The following SIL1 variants were observed in gnomAD, a reference collection of about 807,000 sequenced individuals.
SIL1 encodes the protein SIL1 nucleotide exchange factor, also known as nucleotide exchange factor SIL1.
A neutral mutation model predicts 49.1 loss-of-function variants in SIL1; 40 were observed. The ratio of observed to expected loss-of-function variants is 0.81; its 90% CI spans 0.63 to 1.06. The LOEUF is 1.06. Ranked by LOEUF, SIL1 falls within the 50% of genes least tolerant of loss-of-function variation. The probability of loss-of-function intolerance (pLI) is 0.00; values close to 1 mark genes in which losing one functional copy is unlikely to be tolerated. For missense variants in SIL1, 500 were observed against 572.6 expected, an observed-to-expected ratio of 0.87 and a Z score of 1.29; for synonymous variants, 253 against 250.8, an observed-to-expected ratio of 1.01 and a Z score of -0.08.
chr5:139,000,940 C>T (rs868656498), intron 7 of SIL1, among the ~76,000 whole-genome samples: 2 of 151,514 alleles, frequency 1.3e-5, no homozygotes, highest in South Asian at 2.1e-4. Flanking sequence ...AAACAAAAGA[C>T]TCTATGGGAA....
In SIL1 at chr5:139,122,192, C is replaced by T. The variant is rs527692429; in HGVS notation, c.106-1019G>A. Among the ~76,000 whole-genome samples, 14 of 152,232 alleles carry T rather than the reference C, an allele frequency of 9.2e-5. 1 individual carries two copies. In the East Asian group the frequency reaches 2.1e-3, roughly 23 times the overall value. ...TGGAATCTTCCTATGAGCCCAGACC[C>T]GTGCTGGGTACTTTACATAGATCTC... On this transcript the variant is annotated intron_variant, in intron 2 of 9. Coordinates refer to ENST00000394817, the MANE Select transcript of SIL1 (RefSeq NM_022464.5).
intron 1 of SIL1, among the ~76,000 whole-genome samples, chr5:139,160,313 G>A (rs1356061897): frequency 6.6e-6 from 1 of 152,034 alleles, no homozygotes; most frequent in Admixed American, 6.6e-5. Context: ...AACAACACAG[G>A]GGCCAGGAAA....
rs937530096 is a variant in SIL1, at chr5:138,947,582, G to C, written c.1030-109C>G. 2 of 927,016 alleles carry C rather than the reference G, an allele frequency of 2.2e-6. No homozygotes were observed. The highest frequency in any genetic ancestry group is 1.6e-5 in the African/African-American group (1 of 62,038). The allele number at this position is 927,016 out of a possible 1,614,324, so 57.4% of individuals were successfully genotyped here. A position where few individuals can be genotyped will look rare whatever the true frequency, so the allele number is the denominator to read the frequency against. ...CTCTGCCCTTCAGACAGGAAGGCAC[G>C]AGGCTGACCCCTGAGGGCCCACCTC... On this transcript the variant is annotated intron_variant, in intron 9 of 9. Transcript: ENST00000394817. This position sits in a 1 kb window ranked among gnomAD's most constrained non-coding sequence, Gnocchi z 4.1.
chr5:139,153,411 A>G (rs1751347060), intron 1 of SIL1, among the ~76,000 whole-genome samples: 1 of 152,196 alleles, frequency 6.6e-6, no homozygotes, highest in African/African-American at 2.4e-5. Flanking sequence ...GACCTTAACC[A>G]TTGCAAGGAC....
chr5:139,192,568 G>C (rs1372541773), intron 1 of SIL1, among the ~76,000 whole-genome samples: 1 of 152,196 alleles, frequency 6.6e-6, no homozygotes, highest in Non-Finnish European at 1.5e-5. Flanking sequence ...CAAAGGTTCC[G>C]ATGTCCAGTC....
At chr5:139,194,348 G>A (rs192500991) in intron 1 of SIL1, among the ~76,000 whole-genome samples, 1 of 152,324 alleles carries the variant, frequency 6.6e-6, no homozygotes, top group Non-Finnish European at 1.5e-5. Context: ...GCTTATGCTA[G>A]GAATCAGGGG....
intron 3 of SIL1, among the ~76,000 whole-genome samples, chr5:139,070,332 A>T (rs868576323): frequency 6.6e-6 from 1 of 152,166 alleles, no homozygotes; most frequent in Non-Finnish European, 1.5e-5. Flanking sequence ...GGCAGATGTA[A>T]TATCGAAGAG....
intron 2 of SIL1, among the ~76,000 whole-genome samples, chr5:139,125,662 A>C (rs941326482): frequency 1.3e-5 from 2 of 152,210 alleles, no homozygotes; most frequent in Non-Finnish European, 2.9e-5. Flanking sequence ...CTAAAACCTT[A>C]AGAGGGAGGT....
At chr5:139,054,878 G>A (rs1769372855) in intron 3 of SIL1, among the ~76,000 whole-genome samples, 1 of 152,160 alleles carries the variant, frequency 6.6e-6, no homozygotes, top group Non-Finnish European at 1.5e-5. Context: ...CAGCAGCAGT[G>A]GCAAAAGCAA....
In SIL1 at chr5:138,947,323, G is replaced by C; in HGVS notation, c.1180C>G (p.Arg394Gly). Residue 394 changes from arginine (R) to glycine (G), a missense_variant, in exon 10 of 10, where the codon CGT becomes GGT. Transcript: ENST00000394817. The surrounding 1 kb of genome is among the most constrained non-coding windows in gnomAD (Gnocchi z 4.1). ...CCCAGTGTCTGCAGCACCTTCTCAC[G>C]GGCATCATGCTCGGGCAGCGCCAGG... ...HLLALPEHDAREKVLQTLGVL... is the reference protein window; with the variant it reads ...HLLALPEHDAGEKVLQTLGVL... 6.2e-7 allele frequency: 1 copy of C among 1,613,562 alleles called. No homozygotes were observed. Among genetic ancestry groups the C allele is most frequent in the Non-Finnish European group, 8.5e-7 (1 of 1,180,028 alleles).
chr5:138,953,033 A>G (rs1230010945), intron 7 of SIL1, among the ~76,000 whole-genome samples: 1 of 152,204 alleles, frequency 6.6e-6, no homozygotes, highest in Non-Finnish European at 1.5e-5. Context: ...CCTGAGGCCA[A>G]CAACAAGTGA....
chr5:139,044,909 C>A (rs1769119843), intron 4 of SIL1, among the ~76,000 whole-genome samples: 1 of 152,136 alleles, frequency 6.6e-6, no homozygotes, highest in Non-Finnish European at 1.5e-5. Context: ...ATTTATATTG[C>A]CATTTACTGT....
intron 1 of SIL1, among the ~76,000 whole-genome samples, chr5:139,176,777 G>T (rs1751892429): frequency 6.6e-6 from 1 of 152,066 alleles, no homozygotes; most frequent in African/African-American, 2.4e-5. Flanking sequence ...CACCTCGAGG[G>T]TTAGGTTTCA....
intron 3 of SIL1, among the ~76,000 whole-genome samples, chr5:139,052,159 A>T (rs1352986192): frequency 6.6e-6 from 1 of 152,206 alleles, no homozygotes; most frequent in Non-Finnish European, 1.5e-5. Flanking sequence ...GGATAATGAT[A>T]TAGGCAAGTA....
At chr5:139,081,077 G>A (rs952027902) in intron 3 of SIL1, among the ~76,000 whole-genome samples, 16 of 152,122 alleles carry the variant, frequency 1.1e-4, no homozygotes, top group Non-Finnish European at 2.1e-4. Context: ...GCAATATGGC[G>A]TCAATGTTGA....
At chr5:139,120,447 G>A (rs1457736153) in intron 3 of SIL1, among the ~76,000 whole-genome samples, 2 of 152,094 alleles carry the variant, frequency 1.3e-5, no homozygotes, top group Non-Finnish European at 2.9e-5. Flanking sequence ...TTATGCATAC[G>A]AAGCACCTAG....
chr5:139,025,561 T>C (rs1245448207), intron 6 of SIL1, among the ~76,000 whole-genome samples: 1 of 152,168 alleles, frequency 6.6e-6, no homozygotes, highest in East Asian at 1.9e-4. Context: ...CTTCAAACTC[T>C]CTAGTGGTTC....
rs11555154 is a variant in SIL1 at position 139,127,849 on chromosome 5, G to C, written c.-6C>G. ...GGCAGGCTCTGGGGAGCCATAGTCA[G>C]GGACCTGCAGGTGCAAGCATAGACA... is the stretch of plus-strand genomic sequence containing the variant. On this transcript the variant is annotated 5_prime_UTR_variant, in exon 2 of 10. Transcript: ENST00000394817. 0.075 allele frequency: 118,800 copies of C among 1,584,276 alleles called. 5,027 individuals carry two copies. Among genetic ancestry groups the C allele is most frequent in the Non-Finnish European group, 0.085 (98,609 of 1,161,650 alleles).
chr5:139,109,422 G>C (rs370685971), intron 3 of SIL1, among the ~76,000 whole-genome samples: 2 of 152,074 alleles, frequency 1.3e-5, no homozygotes, highest in African/African-American at 4.8e-5. Context: ...ATAATTCTGT[G>C]TCTGCTTGAA....
Sources: gnomAD v4.1 joint callset for allele counts (sites outside exome capture counted in the v4.1 genomes callset) on GRCh38, gnomAD v4.1.1 for gene constraint, Gnocchi (gnomAD v3.1) non-coding constraint, MANE v1.5 for transcripts, NCBI Gene and HGNC (gene_info 2026-07-23, HGNC 2026-07-21) for gene names.